RXRG: variants seen among roughly 807,000 people sequenced by gnomAD.
RXRG encodes retinoic acid receptor RXR-gamma.
In RXRG, 19 loss-of-function variants were observed where a neutral mutation model predicts 49.2. The ratio of observed to expected loss-of-function variants is 0.39; its 90% confidence interval spans 0.27 to 0.57. RXRG has a LOEUF of 0.57. Ranked by LOEUF, RXRG falls within the 20% of genes least tolerant of loss-of-function variation. The pLI, the probability that RXRG is intolerant of heterozygous loss-of-function variation, is 0.64. For synonymous variants in RXRG, 224 were observed against 216.6 expected, an observed-to-expected ratio of 1.03 and a Z score of -0.30; for missense variants, 452 against 592.5, an observed-to-expected ratio of 0.76 and a Z score of 2.46.
Position 165,444,999 on chromosome 1 carries a change from T to A in RXRG, c.-106A>T, listed in dbSNP as rs1557931025. On this transcript the variant is annotated 5_prime_UTR_variant, in exon 1 of 10. Coordinates refer to ENST00000359842, the MANE Select transcript of RXRG (RefSeq NM_006917.5). The stretch of plus-strand genomic sequence containing the variant: ...TTTCTTCAACTTGGGCTAACAAGAG[T>A]GGTCATCGCTTCCTAGCAGCCCGGG... 1.9e-6 allele frequency: 2 copies of A among 1,034,632 alleles called. No homozygotes were observed. Among genetic ancestry groups the A allele is most frequent in the East Asian group, 2.4e-5 (1 of 41,978 alleles). The allele number at this position is 1,034,632 out of a possible 1,614,324, so 64.1% of individuals were successfully genotyped here.
Position 165,419,873 on chromosome 1 carries a change from A to C in RXRG, c.439T>G (p.Ser147Ala). 1.9e-6 allele frequency: 3 copies of C among 1,606,462 alleles called. No individual in the cohort carries two copies. In the South Asian group the frequency reaches 3.3e-5, roughly 18 times the overall value. Residue 147 changes from serine to alanine, a missense_variant, in exon 3 of 10, where the codon TCA becomes GCA. By Grantham distance (99) the Ser-to-Ala change is moderately conservative. Around this residue, in one of 2 missense-constraint regions of RXRG, gnomAD observed 286 missense variants for 440.9 expected, o/e 0.65. Transcript: ENST00000359842. ...GAGTGTCTGCTTCTGCATGTACCTG[A>C]GGATCTGTCTCCACAGATGGCACAG... The part of the protein sequence containing the change: ...HICAICGDRS[S>A]GKHYGVYSCE...
intron 1 of RXRG, among the ~76,000 whole-genome samples, chr1:165,438,281 A>G (rs1658876008): frequency 6.6e-6 from 1 of 152,150 alleles, no homozygotes; most frequent in Admixed American, 6.5e-5. Flanking sequence ...GGAAATGCTA[A>G]TTGGAGCATT....
intron 9 of RXRG, among the ~76,000 whole-genome samples, chr1:165,403,949 G>T (rs1475118921): frequency 2.0e-5 from 3 of 152,222 alleles, no homozygotes; most frequent in African/African-American, 7.2e-5. Flanking sequence ...GCCTTTGAAG[G>T]TGCCTGCTGT....
At chr1:165,420,577 A>G (rs1658282291) in intron 2 of RXRG, among the ~76,000 whole-genome samples, 1 of 152,208 alleles carries the variant, frequency 6.6e-6, no homozygotes, top group South Asian at 2.1e-4. Flanking sequence ...AGTTCACGGT[A>G]AAATGAGAAA....
At chr1:165,421,751 C>T (rs893655169) in intron 2 of RXRG, among the ~76,000 whole-genome samples, 1 of 152,052 alleles carries the variant, frequency 6.6e-6, no homozygotes. Context: ...AGACTGGTCT[C>T]GAACTCCTGA....
chr1:165,429,565 A>G (rs914770267), intron 1 of RXRG, among the ~76,000 whole-genome samples: 1 of 152,154 alleles, frequency 6.6e-6, no homozygotes, highest in Non-Finnish European at 1.5e-5. Context: ...TCATACCCCC[A>G]GTTTCCTATA....
At position 165,427,867 on chromosome 1, in the gene RXRG, T is replaced by C. The variant is rs566802090; in HGVS notation, c.297+852A>G. Among the ~76,000 whole-genome samples the C allele has an allele frequency of 7.9e-5, 12 of 152,310 alleles. No individual in the cohort carries two copies. In the East Asian group the frequency reaches 2.3e-3, roughly 29 times the overall value. On this transcript the variant is annotated intron_variant, in intron 2 of 9. Transcript: ENST00000359842. ...TCTATGATACACCATGAGAAAAGCATGCCCCCAAGTAGCTGCCACTCCTAC... is the reference window on the plus strand; with the variant it reads ...TCTATGATACACCATGAGAAAAGCACGCCCCCAAGTAGCTGCCACTCCTAC...
chr1:165,444,787 A>C, intron 1 of RXRG, 58 bp downstream of exon 1: 2 of 1,437,922 alleles, frequency 1.4e-6, no homozygotes, highest in Middle Eastern at 1.7e-4. Context: ...CGTATTTCCC[A>C]ATTTCTTCTC....
Position 165,417,205 on chromosome 1 carries a change from A to G in RXRG, c.458T>C (p.Val153Ala). The part of the protein sequence containing the change: ...GDRSSGKHYG[V>A]YSCEGCKGFF... ...CCCTTTGCAGCCTTCACAACTGTAT[A>G]CCCCGTAGTGCTTTCCTGGTTAGAA... The change falls in exon 4 of 10, where the codon GTA (valine) becomes GCA (alanine). Residue 153 changes from valine (V) to alanine (A), a missense_variant. By Grantham distance (64) the Val-to-Ala change is moderately conservative. This residue lies in a region of RXRG where 286 missense variants were observed against 440.9 expected (regional missense o/e 0.65). Transcript: ENST00000359842. 1 of 1,612,322 alleles carries G rather than the reference A, an allele frequency of 6.2e-7. No homozygotes were observed. Among genetic ancestry groups the G allele is most frequent in the African/African-American group, 1.3e-5 (1 of 74,928 alleles).
chr1:165,436,850 G>A (rs455696), intron 1 of RXRG: 727,787 of 955,486 alleles, frequency 0.76, 278,503 homozygotes, highest in Middle Eastern at 0.85. Flanking sequence ...GTGGGGGACA[G>A]CAAGAGTTTC....
At chr1:165,436,721 C>G (rs138991390) in intron 1 of RXRG, among the ~76,000 whole-genome samples, 1 of 152,158 alleles carries the variant, frequency 6.6e-6, no homozygotes, top group Non-Finnish European at 1.5e-5. Flanking sequence ...TCAGGAGACC[C>G]TCACCCCAGG....
intron 1 of RXRG, among the ~76,000 whole-genome samples, chr1:165,431,916 T>C (rs1445604462): frequency 6.6e-6 from 1 of 152,224 alleles, no homozygotes; most frequent in African/African-American, 2.4e-5. Flanking sequence ...TTTCTTGTTA[T>C]AAAATTATCT....
At chr1:165,429,138 C>A (rs1183933460) in intron 1 of RXRG, among the ~76,000 whole-genome samples, 172 bp from the exon 2 acceptor site, 1 of 152,144 alleles carries the variant, frequency 6.6e-6, no homozygotes, top group Non-Finnish European at 1.5e-5. Flanking sequence ...GGTATAAAGA[C>A]AAGCGAGGGA....
At chr1:165,438,128 G>A (rs1236706402) in intron 1 of RXRG, among the ~76,000 whole-genome samples, 4 of 152,168 alleles carry the variant, frequency 2.6e-5, no homozygotes, top group Non-Finnish European at 2.9e-5. Flanking sequence ...CCCTCTATCT[G>A]TTGTGCTGAG....
intron 1 of RXRG, among the ~76,000 whole-genome samples, chr1:165,433,804 A>G (rs1225157014): frequency 1.3e-5 from 2 of 152,224 alleles, no homozygotes; most frequent in Admixed American, 6.5e-5. Context: ...ACCTCCCACC[A>G]TCAACTGGAC....
At chr1:165,426,330 A>T (rs1379316068) in intron 2 of RXRG, among the ~76,000 whole-genome samples, 1 of 152,212 alleles carries the variant, frequency 6.6e-6, no homozygotes, top group Non-Finnish European at 1.5e-5. Flanking sequence ...AAGTCTTTGA[A>T]TTTGAACAGC....
intron 1 of RXRG, among the ~76,000 whole-genome samples, chr1:165,442,645 T>A (rs567852907): frequency 1.3e-5 from 2 of 152,376 alleles, no homozygotes; most frequent in Admixed American, 1.3e-4. Flanking sequence ...TACAATAATG[T>A]CTGATTTTTA....
chr1:165,412,357 G>A (rs1657981661), intron 4 of RXRG, among the ~76,000 whole-genome samples: 1 of 152,222 alleles, frequency 6.6e-6, no homozygotes, highest in South Asian at 2.1e-4. Context: ...AAAGGAATAA[G>A]GGAAAGAGAC....
chr1:165,437,695 T>A (rs1251723113), intron 1 of RXRG, among the ~76,000 whole-genome samples: 3 of 152,172 alleles, frequency 2.0e-5, no homozygotes, highest in Admixed American at 2.0e-4. Context: ...CTCATTGGCA[T>A]CTGCTTCAAA....
Sources: allele counts gnomAD v4.1 joint callset (sites outside exome capture counted in the v4.1 genomes callset), GRCh38; gene constraint gnomAD v4.1.1; regional missense constraint gnomAD v4.1.1; transcripts MANE v1.5; gene names NCBI Gene and HGNC (gene_info 2026-07-23, HGNC 2026-07-21).